Variants in PRKD1 observed in about 807,000 individuals in gnomAD.
PRKD1 encodes the protein serine/threonine-protein kinase D1.
PRKD1 carries 63 observed loss-of-function variants against 95.9 expected under a neutral mutation model. The observed-to-expected ratio is 0.66, with a 90% CI of 0.54 to 0.81. The LOEUF is 0.81. Among genes scored for constraint, PRKD1 ranks in the 30% least tolerant of loss-of-function variants. PRKD1 has a pLI of 0.00. For synonymous variants in PRKD1, 425 were observed against 423.1 expected (o/e 1.00, Z -0.05); for missense variants, 1,048 against 1,165.3 (o/e 0.90, Z 1.47).
intron 1 of PRKD1, among the ~76,000 whole-genome samples, chr14:29,741,300 A>G (rs1215133799): frequency 1.3e-5 from 2 of 152,214 alleles, no homozygotes; most frequent in Non-Finnish European, 1.5e-5. Flanking sequence ...CGTGAATATT[A>G]TCATAATTAA....
chr14:29,898,996 A>C (rs2139426425), intron 1 of PRKD1, among the ~76,000 whole-genome samples: 1 of 152,338 alleles, frequency 6.6e-6, no homozygotes, highest in East Asian at 1.9e-4. Flanking sequence ...ACTGAAGTTT[A>C]ATTGATTAAT....
At chr14:29,895,088 T>C (rs1476625969) in intron 1 of PRKD1, among the ~76,000 whole-genome samples, 8 of 152,124 alleles carry the variant, frequency 5.3e-5, no homozygotes, top group Admixed American at 5.2e-4. Flanking sequence ...TCCCAACACT[T>C]TGGGAGGCTG....
At chr14:29,907,937 C>G (rs1424523393) in intron 1 of PRKD1, among the ~76,000 whole-genome samples, 1 of 152,024 alleles carries the variant, frequency 6.6e-6, no homozygotes, top group Admixed American at 6.5e-5. Context: ...TTTTAAAAAT[C>G]AAGCCAGTTC....
At chr14:29,686,952 T>C (rs1883910416) in intron 2 of PRKD1, among the ~76,000 whole-genome samples, 1 of 152,074 alleles carries the variant, frequency 6.6e-6, no homozygotes, top group East Asian at 1.9e-4. Context: ...AGAGCCTTCT[T>C]CCACCTAGTT....
In PRKD1 at chr14:29,582,218, G is replaced by A. The variant is rs368774466; in HGVS notation, c.2435-3858C>T. Among the ~76,000 whole-genome samples, 79 of 152,238 alleles carry A rather than the reference G, an allele frequency of 5.2e-4. 2 individuals carry two copies. The South Asian group carries it at 0.016, about 31-fold the overall frequency. On this transcript the variant is annotated intron_variant, in intron 16 of 17. Coordinates refer to ENST00000331968, the MANE Select transcript of PRKD1 (RefSeq NM_002742.3). Reference sequence around the variant, plus strand: ...GCCAAGATTTGTTTTCTAAATATTTGCAAATCATCTATTTAATCATTCATT... The same window carrying A: ...GCCAAGATTTGTTTTCTAAATATTTACAAATCATCTATTTAATCATTCATT...
chr14:29,706,477 G>T (rs1253137542), intron 2 of PRKD1, among the ~76,000 whole-genome samples: 2 of 152,064 alleles, frequency 1.3e-5, no homozygotes, highest in Non-Finnish European at 2.9e-5. Flanking sequence ...TAATGATAAT[G>T]TTCTAAACTG....
At chr14:29,906,035 T>A (rs1283447287) in intron 1 of PRKD1, among the ~76,000 whole-genome samples, 1 of 152,082 alleles carries the variant, frequency 6.6e-6, no homozygotes, top group African/African-American at 2.4e-5. Flanking sequence ...GAGGTGTAAA[T>A]CTGGATTGTC....
At chr14:29,715,180 A>G (rs910635596) in intron 2 of PRKD1, among the ~76,000 whole-genome samples, 2 of 152,150 alleles carry the variant, frequency 1.3e-5, no homozygotes, top group African/African-American at 2.4e-5. Context: ...TCATAACATC[A>G]TTCAATATGT....
intron 14 of PRKD1, 118 bp from the exon 15 acceptor site, chr14:29,599,243 G>T: frequency 1.2e-6 from 1 of 814,312 alleles, no homozygotes; most frequent in Non-Finnish European, 2.0e-6. Context: ...TTATGTTAAA[G>T]ACACTGAAAT....
intron 16 of PRKD1, among the ~76,000 whole-genome samples, chr14:29,589,408 T>C (rs1893047951): frequency 3.3e-5 from 5 of 152,162 alleles, no homozygotes; most frequent in Admixed American, 2.6e-4. Flanking sequence ...AAGTCAGCTG[T>C]AGAGAAGAAT....
Position 29,599,734 on chromosome 14 carries a change from A to T in PRKD1, c.1989T>A (p.His663Gln). 6.2e-7 allele frequency: 1 copy of T among 1,613,474 alleles called. No individual in the cohort carries two copies. Among genetic ancestry groups the T allele is most frequent in the Non-Finnish European group, 8.5e-7 (1 of 1,179,720 alleles). Residue 663 changes from histidine (H) to glutamine (Q), a missense_variant, in exon 14 of 18, where the codon CAT (histidine) becomes CAA (glutamine). Coordinates refer to ENST00000331968, the MANE Select transcript of PRKD1 (RefSeq NM_002742.3). ...ACAAGATCATTTCCAGCATGTCTCCATGGAGTTTTTCCATAACAACAAACA... is the reference window on the plus strand; with the variant it reads ...ACAAGATCATTTCCAGCATGTCTCCTTGGAGTTTTTCCATAACAACAAACA... ...ERVFVVMEKL[H>Q]GDMLEMILSS...
At chr14:29,582,438 G>A (rs1310033901) in intron 16 of PRKD1, among the ~76,000 whole-genome samples, 1 of 151,768 alleles carries the variant, frequency 6.6e-6, no homozygotes, top group African/African-American at 2.4e-5. Flanking sequence ...TAAATACCTT[G>A]GTATCTCTCT....
At chr14:29,923,806 T>G (rs930559560) in intron 1 of PRKD1, among the ~76,000 whole-genome samples, 3 of 143,234 alleles carry the variant, frequency 2.1e-5, no homozygotes, top group African/African-American at 8.2e-5. Context: ...ACAGCTCATT[T>G]GAGGAAAAAA....
At chr14:29,734,819 G>A (rs11627494) in intron 1 of PRKD1, among the ~76,000 whole-genome samples, 31,736 of 151,928 alleles carry the variant, frequency 0.21, 3,501 homozygotes, top group South Asian at 0.27. Context: ...TTCCATTATT[G>A]TTCCCCCAAA....
chr14:29,743,454 A>G (rs1887071908), intron 1 of PRKD1, among the ~76,000 whole-genome samples: 2 of 152,194 alleles, frequency 1.3e-5, no homozygotes, highest in Admixed American at 6.5e-5. Flanking sequence ...TTGAACACAG[A>G]GAACCAAGCA....
intron 14 of PRKD1, 110 bp downstream of exon 14, chr14:29,599,546 G>T: frequency 9.6e-7 from 1 of 1,042,898 alleles, no homozygotes; most frequent in Non-Finnish European, 1.4e-6. Context: ...TTCTAGTGTA[G>T]TTTAGACTGG....
At position 29,736,367 on chromosome 14, in the gene PRKD1, G is replaced by A. The variant is rs878913002; in HGVS notation, c.265-10693C>T. Among the ~76,000 whole-genome samples the A allele has an allele frequency of 4.6e-5, 7 of 152,156 alleles. No homozygotes were observed. The East Asian group carries it at 9.6e-4, about 21-fold the overall frequency. ...TACTTTAAAATGATGTCTGGAAGGC[G>A]AAAAGTGTACTGAAACAATGCCTGA... On this transcript the variant is annotated intron_variant, in intron 1 of 17. Coordinates refer to ENST00000331968, the MANE Select transcript of PRKD1 (RefSeq NM_002742.3).
chr14:29,774,404 G>C (rs1209536387), intron 1 of PRKD1, among the ~76,000 whole-genome samples: 2 of 152,154 alleles, frequency 1.3e-5, no homozygotes, highest in South Asian at 4.1e-4. Flanking sequence ...AGAACAAGGA[G>C]AAAGAAGAGG....
chr14:29,722,720 T>A (rs1885955768), intron 2 of PRKD1, among the ~76,000 whole-genome samples: 1 of 152,144 alleles, frequency 6.6e-6, no homozygotes, highest in Admixed American at 6.5e-5. Flanking sequence ...GGGAACTGTG[T>A]GTCCTATGTG....
Sources: allele counts gnomAD v4.1 joint callset (sites outside exome capture counted in the v4.1 genomes callset), GRCh38; gene constraint gnomAD v4.1.1; transcripts MANE v1.5; gene names NCBI Gene and HGNC (gene_info 2026-07-23, HGNC 2026-07-21).